Variants in FRAS1 observed in about 807,000 individuals in gnomAD.
FRAS1 encodes Fraser extracellular matrix complex subunit 1, also known as extracellular matrix organizing protein FRAS1.
FRAS1 carries 290 observed loss-of-function variants against 435.2 expected under a neutral mutation model. The observed-to-expected ratio is 0.67, with a 90% CI of 0.61 to 0.73. The LOEUF is 0.73. FRAS1 is among the 30% of genes least tolerant of loss of function. The pLI is 0.00. For synonymous variants in FRAS1, 1,800 were observed against 1,851.0 expected, an observed-to-expected ratio of 0.97 and a Z score of 0.71; for missense variants, 4,860 against 5,001.5, an observed-to-expected ratio of 0.97 and a Z score of 0.85.
At chr4:78,516,996 A>G (rs1256907296) in intron 66 of FRAS1, among the ~76,000 whole-genome samples, 3 of 152,230 alleles carry the variant, frequency 2.0e-5, no homozygotes, top group African/African-American at 7.2e-5. Flanking sequence ...GGCCAGTGAG[A>G]CTAGGCTAAT....
intron 64 of FRAS1, among the ~76,000 whole-genome samples, chr4:78,511,738 T>A (rs1192439343): frequency 1.3e-5 from 2 of 152,206 alleles, no homozygotes; most frequent in Non-Finnish European, 2.9e-5. Context: ...CCACAAGGAA[T>A]CATGAGTAAC....
chr4:78,322,870 G>A (rs983257060), intron 18 of FRAS1, among the ~76,000 whole-genome samples: 1 of 152,122 alleles, frequency 6.6e-6, no homozygotes, highest in Non-Finnish European at 1.5e-5. Context: ...ACTAGCAAAC[G>A]AGTCAAATGA....
intron 2 of FRAS1, among the ~76,000 whole-genome samples, chr4:78,129,242 T>C (rs60014849): frequency 0.037 from 5,671 of 152,290 alleles, 347 homozygotes; most frequent in African/African-American, 0.13. Flanking sequence ...ATGTGGGCTC[T>C]TTTTTGGTTC....
chr4:78,115,701 C>G (rs184079806), intron 2 of FRAS1, among the ~76,000 whole-genome samples: 1 of 152,044 alleles, frequency 6.6e-6, no homozygotes, highest in African/African-American at 2.4e-5. Flanking sequence ...TTTATTGCAT[C>G]TATTTGATTC....
At position 78,513,515 on chromosome 4, in the gene FRAS1, C is replaced by T; in HGVS notation, c.10137C>T (p.Ser3379=). 6.2e-7 allele frequency: 1 copy of T among 1,613,844 alleles called. No individual in the cohort carries two copies. The highest frequency in any genetic ancestry group is 8.5e-7 in the Non-Finnish European group (1 of 1,179,828). Residue 3379 remains serine, a synonymous_variant, in exon 65 of 74, where the codon TCC becomes TCT. Coordinates refer to ENST00000512123, the MANE Select transcript of FRAS1 (RefSeq NM_025074.7). ...TCTACAGACACCAGCACGTCTGCTCCAATTTAGTTACCACCTATGACCTGA... is the reference window on the plus strand; with the variant it reads ...TCTACAGACACCAGCACGTCTGCTCTAATTTAGTTACCACCTATGACCTGA... ...ESIYRHQHVC[S]NLVTTYDLRG...
intron 2 of FRAS1, among the ~76,000 whole-genome samples, chr4:78,102,698 G>A (rs1742194203): frequency 6.6e-6 from 1 of 152,156 alleles, no homozygotes; most frequent in East Asian, 1.9e-4. Flanking sequence ...ATTACCTTGA[G>A]ATTGAAGCTA....
chr4:78,281,042 A>G (rs1254269273), intron 10 of FRAS1, among the ~76,000 whole-genome samples: 2 of 152,216 alleles, frequency 1.3e-5, no homozygotes, highest in Non-Finnish European at 2.9e-5. Context: ...TAAAGAAAAC[A>G]AAGTTATTTT....
chr4:78,345,864 TAAA>T lies in FRAS1; in HGVS notation c.2422+8061_2422+8063del, dbSNP rs5859617. Among the ~76,000 whole-genome samples the T allele has an allele frequency of 2.7e-3, 405 of 148,744 alleles. 2 individuals carry two copies. Among genetic ancestry groups the T allele is most frequent in the African/African-American group, 8.9e-3 (362 of 40,674 alleles). On this transcript the variant is annotated intron_variant, in intron 20 of 73. Coordinates refer to ENST00000512123, the MANE Select transcript of FRAS1 (RefSeq NM_025074.7). ...TGCTTAAATTGAGTCCTTCCTAAAT[TAAA>T]AAAAAAAAAAAAATCTTGTATTTTC... is the stretch of plus-strand genomic sequence containing the variant.
chr4:78,347,227 A>G lies in FRAS1; in HGVS notation c.2422+9410A>G, dbSNP rs184878968. Among the ~76,000 whole-genome samples the G allele has an allele frequency of 6.3e-3, 954 of 152,248 alleles. 4 individuals carry two copies. Among genetic ancestry groups the G allele is most frequent in the Non-Finnish European group, 0.011 (727 of 68,030 alleles). On this transcript the variant is annotated intron_variant, in intron 20 of 73. Coordinates refer to ENST00000512123, the MANE Select transcript of FRAS1 (RefSeq NM_025074.7). ...TTTGCTTCTTGACAACCCCTCTTCC[A>G]TATTGCAATCACTGCCATATCTCAT...
At chr4:78,182,621 T>C (rs946041257) in intron 2 of FRAS1, among the ~76,000 whole-genome samples, 2 of 152,134 alleles carry the variant, frequency 1.3e-5, no homozygotes, top group African/African-American at 4.8e-5. Flanking sequence ...CTCACACCTG[T>C]AATCCCAGCA....
In FRAS1 at chr4:78,415,341, A is replaced by G. The variant is rs75701321; in HGVS notation, c.4425+2256A>G. Among the ~76,000 whole-genome samples the G allele has an allele frequency of 8.2e-3, 1,251 of 152,274 alleles. 14 individuals carry two copies. Among genetic ancestry groups the G allele is most frequent in the African/African-American group, 0.029 (1,209 of 41,538 alleles). ...GAACTTACTCATGTAACCAAATACC[A>G]TCTGTTCCCCCCAAAAATCTATGGA... is the stretch of plus-strand genomic sequence containing the variant. On this transcript the variant is annotated intron_variant, in intron 32 of 73. Transcript: ENST00000512123.
chr4:78,137,964 T>C (rs1483038971), intron 2 of FRAS1, among the ~76,000 whole-genome samples: 1 of 152,196 alleles, frequency 6.6e-6, no homozygotes, highest in Non-Finnish European at 1.5e-5. Context: ...ATGGTATTTA[T>C]TGGTAGTAGC....
rs547823065 is a variant in FRAS1 at position 78,414,976 on chromosome 4, T to G, written c.4425+1891T>G. Reference sequence around the variant, plus strand: ...GAGAGAGGGTCACAGAAGCTTCCTCTGGGGGTGAACAGAGCTGGGTGAGTG... The same window carrying G: ...GAGAGAGGGTCACAGAAGCTTCCTCGGGGGGTGAACAGAGCTGGGTGAGTG... On this transcript the variant is annotated intron_variant, in intron 32 of 73. Transcript: ENST00000512123. Among the ~76,000 whole-genome samples, 10 of 152,306 alleles carry G rather than the reference T, an allele frequency of 6.6e-5. No individual in the cohort carries two copies. The South Asian group carries it at 1.9e-3, about 28-fold the overall frequency.
chr4:78,426,450 T>G (rs1407140731), intron 35 of FRAS1, among the ~76,000 whole-genome samples: 1 of 152,142 alleles, frequency 6.6e-6, no homozygotes, highest in Non-Finnish European at 1.5e-5. Context: ...AAACCCTTGG[T>G]ATCTAGTAGA....
At chr4:78,473,396 T>TAA (rs753571163) in intron 52 of FRAS1, 42 bp from the exon 53 acceptor site, 2 of 1,561,034 alleles carry the variant, frequency 1.3e-6, no homozygotes, top group Non-Finnish European at 1.8e-6. Flanking sequence ...AAGCTGTCGT[T>TAA]ACATCCCTGG....
At position 78,268,168 on chromosome 4, in the gene FRAS1, C is replaced by T. The variant is rs752586901; in HGVS notation, c.981+736C>T. 7.9e-5 allele frequency among the ~76,000 whole-genome samples: 12 copies of T among 152,248 alleles called. No homozygotes were observed. In the East Asian group the frequency reaches 9.6e-4, roughly 12 times the overall value. Reference sequence around the variant, plus strand: ...CCGCCCCACCAATTTCCCTGTGGGCCGTGAACTTGAGTAGATGAGGGAAAT... The same window carrying T: ...CCGCCCCACCAATTTCCCTGTGGGCTGTGAACTTGAGTAGATGAGGGAAAT... On this transcript the variant is annotated intron_variant, in intron 9 of 73. Transcript: ENST00000512123.
intron 31 of FRAS1, among the ~76,000 whole-genome samples, chr4:78,412,458 T>G (rs1030773820): frequency 1.3e-5 from 2 of 152,218 alleles, no homozygotes; most frequent in African/African-American, 4.8e-5. Context: ...CCTGCAATGA[T>G]GAGGCTGAGA....
At chr4:78,382,705 T>G (rs954555892) in intron 27 of FRAS1, among the ~76,000 whole-genome samples, 4 of 152,216 alleles carry the variant, frequency 2.6e-5, no homozygotes, top group Non-Finnish European at 5.9e-5. Context: ...AAGTGTGTTG[T>G]TCTATAAATT....
intron 14 of FRAS1, among the ~76,000 whole-genome samples, chr4:78,303,982 G>T (rs1311586086): frequency 1.3e-5 from 2 of 151,764 alleles, no homozygotes; most frequent in African/African-American, 4.8e-5. Flanking sequence ...GTATGATATT[G>T]GCTGTGGGTT....
Sources: allele counts gnomAD v4.1 joint callset (sites outside exome capture counted in the v4.1 genomes callset), GRCh38; gene constraint gnomAD v4.1.1; transcripts MANE v1.5; gene names NCBI Gene and HGNC (gene_info 2026-07-23, HGNC 2026-07-21).